Variants in TCF20 observed in about 807,000 individuals in gnomAD.
The protein encoded by TCF20 is transcription factor 20.
A neutral mutation model predicts 148.6 loss-of-function variants in TCF20; 3 were observed. The ratio of observed to expected loss-of-function variants is 0.02; its 90% CI spans 0.01 to 0.05. The LOEUF (loss-of-function observed/expected upper bound fraction) is 0.05, where lower values mean the gene tolerates loss of function less well. Among genes scored for constraint, TCF20 ranks in the 10% least tolerant of loss-of-function variants. The pLI, the probability that TCF20 is intolerant of heterozygous loss-of-function variation, is 1.00. For synonymous variants in TCF20, 1,049 were observed against 909.5 expected, an observed-to-expected ratio of 1.15 and a Z score of -2.76; for missense variants, 2,350 against 2,429.3, an observed-to-expected ratio of 0.97 and a Z score of 0.69.
intron 1 of TCF20, chr22:42,276,615 A>G (rs1330587543): frequency 6.6e-6 from 1 of 152,240 alleles, no homozygotes; most frequent in Admixed American, 6.5e-5. Flanking sequence ...GCAGGGATGC[A>G]GAGCTGGATG....
chr22:42,318,926 C>A (rs929222991), intron 1 of TCF20, among the ~76,000 whole-genome samples: 3 of 152,184 alleles, frequency 2.0e-5, no homozygotes, highest in African/African-American at 4.8e-5. Flanking sequence ...GCAGAGGCAC[C>A]TGCCCAATGG....
At chr22:42,318,317 C>A (rs1025649195) in intron 1 of TCF20, among the ~76,000 whole-genome samples, 3 of 152,200 alleles carry the variant, frequency 2.0e-5, no homozygotes, top group African/African-American at 4.8e-5. Flanking sequence ...AATTTACTTA[C>A]TTCCCCATCC....
chr22:42,207,268 T>C (rs1569139489), intron 2 of TCF20, among the ~76,000 whole-genome samples: 1 of 151,834 alleles, frequency 6.6e-6, no homozygotes, highest in Non-Finnish European at 1.5e-5. Flanking sequence ...AACCCTACCA[T>C]CCTCTTCTCC....
intron 1 of TCF20, among the ~76,000 whole-genome samples, chr22:42,312,495 G>A (rs1927553957): frequency 6.6e-6 from 1 of 152,148 alleles, no homozygotes; most frequent in African/African-American, 2.4e-5. Flanking sequence ...GGGCCTGGGG[G>A]AATGAGGGTT....
chr22:42,289,900 G>A (rs1165857247), intron 1 of TCF20, among the ~76,000 whole-genome samples: 1 of 152,216 alleles, frequency 6.6e-6, no homozygotes, highest in African/African-American at 2.4e-5. Context: ...GGACCCCGGA[G>A]GCTGCTACTT....
At chr22:42,312,997 G>A (rs1927563645) in intron 1 of TCF20, among the ~76,000 whole-genome samples, 1 of 152,130 alleles carries the variant, frequency 6.6e-6, no homozygotes, top group Non-Finnish European at 1.5e-5. Context: ...GAATGCTCAG[G>A]ACAACCAGCT....
In TCF20 at chr22:42,214,959, T is replaced by C; in HGVS notation, c.347A>G (p.Gln116Arg). 2 of 1,614,220 alleles carry C rather than the reference T, an allele frequency of 1.2e-6. No homozygotes were observed. The highest frequency in any genetic ancestry group is 1.1e-5 in the South Asian group (1 of 91,086). ...GCTCCCCTGGGGGGGTCCATAGCTCTGCACAGGCCCAGAAGGCCTTCGCTG... is the reference window on the plus strand; with the variant it reads ...GCTCCCCTGGGGGGGTCCATAGCTCCGCACAGGCCCAGAAGGCCTTCGCTG... ...PPQRRPSGPV[Q>R]SYGPPQGSSF... The change falls in exon 2 of 6, where the codon CAG becomes CGG. Residue 116 changes from glutamine (Q) to arginine (R), a missense_variant. By Grantham distance (43) the Gln-to-Arg change is conservative (BLOSUM62 1). Transcript: ENST00000677622.
intron 1 of TCF20, among the ~76,000 whole-genome samples, chr22:42,313,328 C>T (rs5758706): frequency 0.2 from 30,066 of 152,172 alleles, 3,736 homozygotes; most frequent in Admixed American, 0.28. Context: ...GCCAGAGGTG[C>T]CTAGACCTGC....
intron 1 of TCF20, among the ~76,000 whole-genome samples, chr22:42,230,784 T>C (rs1257144849): frequency 6.6e-6 from 1 of 152,068 alleles, no homozygotes; most frequent in Non-Finnish European, 1.5e-5. Context: ...TCTGACCCTG[T>C]GTAGGTTTAG....
At chr22:42,284,164 C>T (rs922441459), upstream of TCF20, among the ~76,000 whole-genome samples, 9 of 152,028 alleles carry the variant, frequency 5.9e-5, no homozygotes, top group South Asian at 1.7e-3. Flanking sequence ...GATCCCCCCT[C>T]GCCTTCAACT....
intron 1 of TCF20, among the ~76,000 whole-genome samples, chr22:42,215,945 T>G (rs1195946176): frequency 6.6e-6 from 1 of 152,034 alleles, no homozygotes; most frequent in East Asian, 1.9e-4. Context: ...AATGCCTTAT[T>G]AGACAAATGA....
chr22:42,248,993 G>C (rs1925143372), intron 1 of TCF20, among the ~76,000 whole-genome samples: 1 of 152,232 alleles, frequency 6.6e-6, no homozygotes, highest in Non-Finnish European at 1.5e-5. Flanking sequence ...GTGCGAGTCT[G>C]AGTAGGCAAG....
In TCF20 at chr22:42,270,323, C is replaced by T. The variant is rs1053655507; in HGVS notation, c.-37+16G>A. ...CCCAACCCTCTCCCTGCCCCTCAGGCCCGGGAGGCGGTTACCTGCAGGAGC... is the reference window on the plus strand; with the variant it reads ...CCCAACCCTCTCCCTGCCCCTCAGGTCCGGGAGGCGGTTACCTGCAGGAGC... On this transcript the variant is annotated intron_variant, in intron 1 of 5. Transcript: ENST00000677622. Among the ~76,000 whole-genome samples, 4 of 151,932 alleles carry T rather than the reference C, an allele frequency of 2.6e-5. No homozygotes were observed. The highest frequency in any genetic ancestry group is 7.2e-5 in the African/African-American group (3 of 41,438).
chr22:42,240,594 A>G (rs1216395031), intron 1 of TCF20, among the ~76,000 whole-genome samples: 1 of 152,232 alleles, frequency 6.6e-6, no homozygotes, highest in East Asian at 1.9e-4. Flanking sequence ...AAAGATGGAA[A>G]TCCAAAGAAA....
chr22:42,303,172 T>G (rs1310086751), intron 1 of TCF20, among the ~76,000 whole-genome samples: 1 of 152,230 alleles, frequency 6.6e-6, no homozygotes, highest in Non-Finnish European at 1.5e-5. Context: ...TCATGTGATC[T>G]ACCTGCCTTG....
At chr22:42,313,436 T>A (rs1927571732) in intron 1 of TCF20, among the ~76,000 whole-genome samples, 1 of 151,976 alleles carries the variant, frequency 6.6e-6, no homozygotes, top group Non-Finnish European at 1.5e-5. Context: ...CTCTCAGCCT[T>A]CCTTCACATT....
In TCF20 at chr22:42,338,487, C is replaced by A. The variant is rs529933235; in HGVS notation, c.-37+4992G>T. ...GGCAGCCCGGCCTGCAGGGGCCACT[C>A]GGCCAATCCCGAAGAGCTCGCTCAG... is the stretch of plus-strand genomic sequence containing the variant. On this transcript the variant is annotated intron_variant, in intron 1 of 1. Coordinates refer to the TCF20 transcript ENST00000515426. This position sits in a 1 kb window ranked among gnomAD's most constrained non-coding sequence, Gnocchi z 4.0. 6.6e-6 allele frequency among the ~76,000 whole-genome samples: 1 copy of A among 152,216 alleles called. No individual in the cohort carries two copies. Among genetic ancestry groups the A allele is most frequent in the Non-Finnish European group, 1.5e-5 (1 of 68,046 alleles).
chr22:42,220,478 T>C (rs542988863), intron 1 of TCF20, among the ~76,000 whole-genome samples: 5 of 152,344 alleles, frequency 3.3e-5, no homozygotes, highest in Middle Eastern at 3.4e-3. Flanking sequence ...AATTCAGCCA[T>C]TGTGCCTGGC....
intron 1 of TCF20, among the ~76,000 whole-genome samples, chr22:42,240,550 A>T (rs1056733071): frequency 1.3e-5 from 2 of 152,200 alleles, no homozygotes; most frequent in East Asian, 3.8e-4. Flanking sequence ...AAATCTAACA[A>T]GATAGTGAGA....
Sources: gnomAD v4.1 joint callset for allele counts (sites outside exome capture counted in the v4.1 genomes callset) on GRCh38, gnomAD v4.1.1 for gene constraint, Gnocchi (gnomAD v3.1) non-coding constraint, MANE v1.5 for transcripts, NCBI Gene and HGNC (gene_info 2026-07-23, HGNC 2026-07-21) for gene names.